The following PTPRT variants were observed in gnomAD, a reference collection of about 807,000 sequenced individuals.
PTPRT encodes the protein receptor-type tyrosine-protein phosphatase T.
Under a neutral mutation model 176.8 loss-of-function variants are expected in PTPRT, and 56 were observed. That is an observed-to-expected ratio of 0.32 (90% CI 0.26 to 0.40). The LOEUF is 0.40. Ranked by LOEUF, PTPRT falls within the 10% of genes least tolerant of loss-of-function variation. The pLI is 1.00. For synonymous variants in PTPRT, 783 were observed against 739.0 expected (o/e 1.06, Z -0.96); for missense variants, 1,540 against 1,908.2 (o/e 0.81, Z 3.60).
chr20:42,066,219 T>C, the PTPRT span, among the ~76,000 whole-genome samples: 6 of 152,054 alleles, frequency 3.9e-5, no homozygotes, highest in African/African-American at 1.2e-4. Context: ...TTTTTGTATT[T>C]TTAATAGAGA....
intron 9 of PTPRT, among the ~76,000 whole-genome samples, chr20:42,424,952 A>G (rs6030217): frequency 0.81 from 122,897 of 151,192 alleles, 50,120 homozygotes; most frequent in Admixed American, 0.85. Context: ...ACAAAAGTGT[A>G]TGGAAAAAGA....
At chr20:42,808,841 G>A (rs1177243511) in intron 2 of PTPRT, among the ~76,000 whole-genome samples, 7 of 152,180 alleles carry the variant, frequency 4.6e-5, no homozygotes, top group East Asian at 1.9e-4. Context: ...TTGGGTGACT[G>A]TTGGGTAGAT....
chr20:42,543,606 T>C (rs1017583013), intron 7 of PTPRT, among the ~76,000 whole-genome samples: 1 of 152,006 alleles, frequency 6.6e-6, no homozygotes, highest in Non-Finnish European at 1.5e-5. Flanking sequence ...TTCTCATGAA[T>C]CATGAATGTC....
chr20:42,715,043 G>A (rs2076202734), intron 6 of PTPRT, among the ~76,000 whole-genome samples: 1 of 152,196 alleles, frequency 6.6e-6, no homozygotes, highest in African/African-American at 2.4e-5. Flanking sequence ...TTCAGAAAGA[G>A]CAGGTTATAG....
intron 7 of PTPRT, among the ~76,000 whole-genome samples, chr20:42,599,124 T>A (rs570310259): frequency 9.3e-4 from 142 of 151,996 alleles, no homozygotes; most frequent in African/African-American, 3.3e-3. Flanking sequence ...GCACCGGAAG[T>A]GGAAAGGACA....
chr20:42,610,374 G>GTT (rs2073953633), intron 7 of PTPRT, among the ~76,000 whole-genome samples: 2 of 132,576 alleles, frequency 1.5e-5, no homozygotes, highest in Admixed American at 7.1e-5. Flanking sequence ...GGGTTTACTT[G>GTT]TTTTGTTTTT....
intron 18 of PTPRT, among the ~76,000 whole-genome samples, chr20:42,130,220 G>A (rs146106027): frequency 6.6e-6 from 1 of 152,328 alleles, no homozygotes; most frequent in East Asian, 1.9e-4. Context: ...ACAAAGAGTT[G>A]AGCAGCCAGA....
intron 1 of PTPRT, among the ~76,000 whole-genome samples, chr20:42,934,922 G>GA (rs934198424): frequency 4.0e-5 from 6 of 150,372 alleles, no homozygotes; most frequent in East Asian, 3.9e-4. Context: ...TATAAAAAAA[G>GA]AAAAAAAAAT....
chr20:42,497,095 C>G (rs897105651), intron 7 of PTPRT, among the ~76,000 whole-genome samples: 1 of 152,084 alleles, frequency 6.6e-6, no homozygotes, highest in Admixed American at 6.6e-5. Flanking sequence ...AATTTGTTGT[C>G]CAGGACTTCT....
chr20:42,525,790 G>A (rs1331620263), intron 7 of PTPRT, among the ~76,000 whole-genome samples: 1 of 152,154 alleles, frequency 6.6e-6, no homozygotes, highest in East Asian at 1.9e-4. Flanking sequence ...AGAGAACACG[G>A]AATCTATCTG....
intron 12 of PTPRT, among the ~76,000 whole-genome samples, chr20:42,289,201 G>A (rs891750442): frequency 6.6e-6 from 1 of 151,984 alleles, no homozygotes; most frequent in Non-Finnish European, 1.5e-5. Flanking sequence ...ATACTCTCCT[G>A]GGCATTGGCC....
chr20:42,836,269 A>G (rs1427045062), intron 2 of PTPRT, among the ~76,000 whole-genome samples: 1 of 152,106 alleles, frequency 6.6e-6, no homozygotes, highest in Admixed American at 6.6e-5. Context: ...ATCCACTGCA[A>G]TACATTCCTG....
At chr20:42,036,554 C>T in the PTPRT span, among the ~76,000 whole-genome samples, 2 of 152,188 alleles carry the variant, frequency 1.3e-5, no homozygotes, top group Non-Finnish European at 2.9e-5. Flanking sequence ...ATTGCACCTC[C>T]AGCAGTGCTT....
At chr20:42,861,450 T>C (rs972216670) in intron 2 of PTPRT, among the ~76,000 whole-genome samples, 1 of 152,130 alleles carries the variant, frequency 6.6e-6, no homozygotes, top group African/African-American at 2.4e-5. Context: ...TTTTCTTTTG[T>C]GAAATTAACG....
chr20:42,413,430 T>C (rs1372654933), intron 9 of PTPRT, among the ~76,000 whole-genome samples: 1 of 152,100 alleles, frequency 6.6e-6, no homozygotes, highest in Non-Finnish European at 1.5e-5. Context: ...AATTTAGGAA[T>C]TCCTTTTTAA....
chr20:42,534,311 G>T (rs1230282018), intron 7 of PTPRT, among the ~76,000 whole-genome samples: 1 of 152,140 alleles, frequency 6.6e-6, no homozygotes, highest in African/African-American at 2.4e-5. Context: ...TTTCCACAAG[G>T]ACAGCATCTT....
intron 2 of PTPRT, among the ~76,000 whole-genome samples, chr20:42,825,347 A>G (rs2077973873): frequency 6.6e-6 from 1 of 152,168 alleles, no homozygotes; most frequent in South Asian, 2.1e-4. Flanking sequence ...CCCAAGTGTA[A>G]GGACGTAATT....
intron 13 of PTPRT, among the ~76,000 whole-genome samples, chr20:42,265,092 C>T (rs1396482224): frequency 1.3e-5 from 2 of 152,186 alleles, no homozygotes; most frequent in Non-Finnish European, 2.9e-5. Context: ...AATAACTGGT[C>T]ATTTTTAGTA....
rs902588734 is a variant in PTPRT, at chr20:42,298,338, C to T, written c.2140-15813G>A. 3.3e-5 allele frequency among the ~76,000 whole-genome samples: 5 copies of T among 152,196 alleles called. No homozygotes were observed. In the East Asian group the frequency reaches 5.8e-4, roughly 18 times the overall value. ...AAGTGTGACAAAAATGAAAGTTAGA[C>T]CACACAAACTGTTTACAAGGCAGTG... On this transcript the variant is annotated intron_variant, in intron 12 of 30. Transcript: ENST00000373187.
Sources: gnomAD v4.1 joint callset for allele counts (sites outside exome capture counted in the v4.1 genomes callset) on GRCh38, gnomAD v4.1.1 for gene constraint, MANE v1.5 for transcripts, NCBI Gene and HGNC (gene_info 2026-07-23, HGNC 2026-07-21) for gene names.